Variants in ADGRV1 observed in about 807,000 individuals in gnomAD.
ADGRV1 encodes the protein adhesion G protein-coupled receptor V1.
A neutral mutation model predicts 596.2 loss-of-function variants in ADGRV1; 359 were observed. The observed-to-expected ratio is 0.60, with a 90% CI of 0.55 to 0.66. The LOEUF (loss-of-function observed/expected upper bound fraction) is 0.66, where lower values mean the gene tolerates loss of function less well. ADGRV1 is among the 30% of genes least tolerant of loss of function. The probability of loss-of-function intolerance (pLI) is 0.00; values close to 1 mark genes in which losing one functional copy is unlikely to be tolerated. For synonymous variants in ADGRV1, 2,681 were observed against 2,679.2 expected, an observed-to-expected ratio of 1.00 and a Z score of -0.02; for missense variants, 7,274 against 7,575.6, an observed-to-expected ratio of 0.96 and a Z score of 1.48.
intron 62 of ADGRV1, 118 bp downstream of exon 62, chr5:90,778,161 TG>T: frequency 8.5e-7 from 1 of 1,170,936 alleles, no homozygotes; most frequent in Non-Finnish European, 1.2e-6. Flanking sequence ...AAGTGGGGGA[TG>T]GGGAGGAGGT....
intron 89 of ADGRV1, among the ~76,000 whole-genome samples, chr5:91,154,008 C>T (rs905346492): frequency 1.3e-4 from 20 of 152,232 alleles, no homozygotes; most frequent in Middle Eastern, 3.2e-3. Context: ...AAGGGTCACA[C>T]GCTCCTGGGT....
intron 21 of ADGRV1, among the ~76,000 whole-genome samples, chr5:90,663,171 C>T (rs921274538): frequency 2.8e-4 from 42 of 148,676 alleles, no homozygotes; most frequent in African/African-American, 9.5e-4. Flanking sequence ...GTTCTAGATC[C>T]CTGAGGAATC....
chr5:90,621,217 C>T (rs374568098), intron 4 of ADGRV1, among the ~76,000 whole-genome samples: 94 of 152,216 alleles, frequency 6.2e-4, no homozygotes, highest in African/African-American at 1.9e-3. Context: ...TAATAAAACA[C>T]GTTGCAATAC....
At position 90,643,996 on chromosome 5, in the gene ADGRV1, G is replaced by A; in HGVS notation, c.2734+13G>A. The A allele has an allele frequency of 1.3e-6, 2 of 1,523,992 alleles. No homozygotes were observed. Among genetic ancestry groups the A allele is most frequent in the Non-Finnish European group, 1.8e-6 (2 of 1,116,098 alleles). The allele number at this position is 1,523,992 out of a possible 1,614,324, so 94.4% of individuals were successfully genotyped here. The stretch of plus-strand genomic sequence containing the variant: ...GCTATCTATAGTGGTAATTTATTCT[G>A]TGTCTTATATTGTATTTCTGTTTAC... On this transcript the variant is annotated intron_variant, in intron 14 of 89. Transcript: ENST00000405460.
chr5:90,838,886 C>G (rs1347642217), intron 77 of ADGRV1, among the ~76,000 whole-genome samples: 1 of 151,990 alleles, frequency 6.6e-6, no homozygotes, highest in Non-Finnish European at 1.5e-5. Context: ...ATGAAACAAA[C>G]AAAAAAGTCC....
At chr5:90,814,785 T>C (rs184275729) in intron 74 of ADGRV1, among the ~76,000 whole-genome samples, 1 of 152,290 alleles carries the variant, frequency 6.6e-6, no homozygotes, top group Non-Finnish European at 1.5e-5. Flanking sequence ...AGCATAAAAA[T>C]GAACTAATAC....
intron 86 of ADGRV1, among the ~76,000 whole-genome samples, chr5:91,084,703 A>G (rs185702991): frequency 8.9e-4 from 135 of 152,314 alleles, no homozygotes; most frequent in African/African-American, 3.1e-3. Flanking sequence ...TAGAAATACC[A>G]TTTGACCCAG....
At chr5:90,877,598 T>TC (rs201250026) in intron 83 of ADGRV1, among the ~76,000 whole-genome samples, 1 of 150,552 alleles carries the variant, frequency 6.6e-6, no homozygotes, top group African/African-American at 2.5e-5. Context: ...TTTTTTTTTT[T>TC]CATTTAATGT....
At chr5:91,125,814 T>C (rs926757470) in intron 87 of ADGRV1, among the ~76,000 whole-genome samples, 1 of 152,240 alleles carries the variant, frequency 6.6e-6, no homozygotes, top group African/African-American at 2.4e-5. Context: ...TTTTGAGGTA[T>C]ATCAGATGAA....
intron 38 of ADGRV1, 39 bp downstream of exon 38, chr5:90,706,433 G>A: frequency 6.8e-7 from 1 of 1,472,276 alleles, no homozygotes; most frequent in South Asian, 1.4e-5. Flanking sequence ...GGGGGAGATA[G>A]TTTAATAAGT....
rs1424387836 is a variant in ADGRV1 at position 90,643,971 on chromosome 5, G to A, written c.2722G>A (p.Ala908Thr). 1 of 1,595,658 alleles carries A rather than the reference G, an allele frequency of 6.3e-7. No individual in the cohort carries two copies. The highest frequency in any genetic ancestry group is 2.2e-5 in the East Asian group (1 of 44,622). ...GATGATAAATGAAAGCAAAGGAGAT[G>A]CTATCTATAGTGGTAATTTATTCTG... is the stretch of plus-strand genomic sequence containing the variant. ...IVMINESKGD[A>T]IYSAVYDVVR... The change falls in exon 14 of 90, where the codon GCT (alanine) becomes ACT (threonine). Residue 908 changes from alanine (A) to threonine (T), a missense_variant. Ala to Thr is a moderately conservative substitution (Grantham distance 58, BLOSUM62 0). Around this residue, in one of 5 missense-constraint regions of ADGRV1, gnomAD observed 1,715 missense variants for 1,708.8 expected, o/e 1.00. Coordinates refer to ENST00000405460, the MANE Select transcript of ADGRV1 (RefSeq NM_032119.4).
intron 85 of ADGRV1, among the ~76,000 whole-genome samples, chr5:90,993,945 G>A (rs1438418903): frequency 3.3e-5 from 5 of 149,448 alleles, no homozygotes; most frequent in East Asian, 2.0e-4. Flanking sequence ...CTCAGACATG[G>A]TAACCACAAT....
chr5:90,805,048 A>C (rs1317478562), intron 71 of ADGRV1: 2 of 324,992 alleles, frequency 6.2e-6, no homozygotes, highest in Non-Finnish European at 1.1e-5. Flanking sequence ...GATGTTGTTC[A>C]TTCAAAAGAT....
At chr5:91,079,020 T>C (rs1193166533) in intron 86 of ADGRV1, among the ~76,000 whole-genome samples, 1 of 152,176 alleles carries the variant, frequency 6.6e-6, no homozygotes, top group Non-Finnish European at 1.5e-5. Flanking sequence ...TGGGAAAACA[T>C]GATATGATTT....
At chr5:90,910,616 C>T (rs1772800377) in intron 83 of ADGRV1, among the ~76,000 whole-genome samples, 1 of 150,472 alleles carries the variant, frequency 6.6e-6, no homozygotes, top group African/African-American at 2.4e-5. Flanking sequence ...CCCGCACACA[C>T]CTGTATGTAT....
At chr5:90,813,401 A>G (rs2443077) in intron 74 of ADGRV1, among the ~76,000 whole-genome samples, 151,679 of 152,210 alleles carry the variant, frequency 1, 75,576 homozygotes, top group Middle Eastern at 1. Flanking sequence ...AGGACTCTTT[A>G]GGGGCTCAGG....
intron 85 of ADGRV1, among the ~76,000 whole-genome samples, chr5:90,995,832 C>T (rs1427063405): frequency 6.6e-6 from 1 of 152,130 alleles, no homozygotes; most frequent in East Asian, 1.9e-4. Context: ...CTCTTGCTAA[C>T]CTTTGGCAAA....
intron 52 of ADGRV1, among the ~76,000 whole-genome samples, chr5:90,748,628 A>G (rs905208482): frequency 6.6e-6 from 1 of 152,124 alleles, no homozygotes. Context: ...GAAAGAAACA[A>G]GAGGACCCTA....
intron 26 of ADGRV1, among the ~76,000 whole-genome samples, chr5:90,681,068 T>G (rs1263502632): frequency 6.6e-6 from 1 of 152,222 alleles, no homozygotes; most frequent in Non-Finnish European, 1.5e-5. Context: ...AAAACAAGTT[T>G]TCCTTATTCA....
Sources: allele counts gnomAD v4.1 joint callset (sites outside exome capture counted in the v4.1 genomes callset), GRCh38; gene constraint gnomAD v4.1.1; regional missense constraint gnomAD v4.1.1; transcripts MANE v1.5; gene names NCBI Gene and HGNC (gene_info 2026-07-23, HGNC 2026-07-21).